The following TM2D1 variants were observed in gnomAD, a reference collection of about 807,000 sequenced individuals.
The protein encoded by TM2D1 is TM2 domain-containing protein 1.
TM2D1 carries 15 observed loss-of-function variants against 28.4 expected under a neutral mutation model. The observed-to-expected ratio is 0.53, with a 90% confidence interval of 0.35 to 0.81. The LOEUF (loss-of-function observed/expected upper bound fraction) is 0.81, where lower values mean the gene tolerates loss of function less well. Among genes scored for constraint, TM2D1 ranks in the 40% least tolerant of loss-of-function variants. The pLI, the probability that TM2D1 is intolerant of heterozygous loss-of-function variation, is 0.01. For missense variants in TM2D1, 236 were observed against 254.9 expected (o/e 0.93, Z 0.50); for synonymous variants, 93 against 96.2 (o/e 0.97, Z 0.20).
intron 5 of TM2D1, among the ~76,000 whole-genome samples, chr1:61,690,697 A>G (rs952653469): frequency 3.3e-5 from 5 of 152,178 alleles, no homozygotes; most frequent in Admixed American, 3.3e-4. Context: ...TCTGTTTAAC[A>G]TAACTGGTAC....
In TM2D1 at chr1:61,691,577, G is replaced by A. The variant is rs1384192076; in HGVS notation, c.513+3120C>T. On this transcript the variant is annotated intron_variant, in intron 5 of 6. Transcript: ENST00000606498. ...ATAATCAAAACAATCTCATTTTTCT[G>A]ATAAAAAACTCGTATTATCTAATCT... Among the ~76,000 whole-genome samples, 3 of 146,396 alleles carry A rather than the reference G, an allele frequency of 2.0e-5. No homozygotes were observed. In the South Asian group the frequency reaches 6.5e-4, roughly 32 times the overall value.
At chr1:61,724,781 T>G in intron 1 of TM2D1, 176 bp downstream of exon 1, 2 of 627,800 alleles carry the variant, frequency 3.2e-6, no homozygotes, top group Non-Finnish European at 4.9e-6. Context: ...GGGTGGCCTC[T>G]GGCCCTCCCA....
chr1:61,721,885 G>A (rs913913905), intron 2 of TM2D1, among the ~76,000 whole-genome samples: 2 of 134,106 alleles, frequency 1.5e-5, no homozygotes, highest in Non-Finnish European at 3.0e-5. Flanking sequence ...CAAAGCAAGA[G>A]AACTGCTTGA....
intron 3 of TM2D1, among the ~76,000 whole-genome samples, chr1:61,707,865 T>G (rs1010706753): frequency 6.6e-6 from 1 of 152,164 alleles, no homozygotes; most frequent in East Asian, 1.9e-4. Context: ...ATCTGTACAG[T>G]GGCTTATTTC....
intron 6 of TM2D1, 51 bp downstream of exon 6, chr1:61,683,366 T>A: frequency 1.7e-6 from 1 of 579,598 alleles, no homozygotes; most frequent in South Asian, 5.5e-5. Context: ...CATAATTTTA[T>A]ATGAATAATA....
At chr1:61,681,773 T>C (rs1045901600) in intron 6 of TM2D1, among the ~76,000 whole-genome samples, 7 of 152,172 alleles carry the variant, frequency 4.6e-5, no homozygotes, top group East Asian at 1.9e-4. Flanking sequence ...AAATGCCTAA[T>C]ACAAAATGAT....
chr1:61,691,937 AT>A (rs1425944840), intron 5 of TM2D1, among the ~76,000 whole-genome samples: 1 of 77,784 alleles, frequency 1.3e-5, no homozygotes, highest in Non-Finnish European at 2.3e-5. Context: ...AAAAAAATAT[AT>A]ATATATATAT....
intron 5 of TM2D1, among the ~76,000 whole-genome samples, chr1:61,691,933 A>AAATATATATATATATATATATG (rs1491136530): frequency 3.6e-5 from 3 of 83,038 alleles, no homozygotes; most frequent in African/African-American, 1.0e-4. Context: ...AAAAAAAAAA[A>AAATATATATATATATATATATG]TATATATATA....
At chr1:61,711,710 G>A (rs1232498881) in intron 2 of TM2D1, among the ~76,000 whole-genome samples, 3 of 152,082 alleles carry the variant, frequency 2.0e-5, no homozygotes, top group Non-Finnish European at 4.4e-5. Flanking sequence ...TTGGCACAGG[G>A]ATAAAATTTA....
chr1:61,702,376 CT>C (rs151274900), intron 3 of TM2D1, among the ~76,000 whole-genome samples: 19 of 145,332 alleles, frequency 1.3e-4, no homozygotes, highest in Admixed American at 2.1e-4. Flanking sequence ...AATTTTATTT[CT>C]TTTTTTTTTG....
chr1:61,712,536 C>T (rs1392279604), intron 2 of TM2D1, among the ~76,000 whole-genome samples: 2 of 151,996 alleles, frequency 1.3e-5, no homozygotes, highest in Non-Finnish European at 2.9e-5. Flanking sequence ...TCAGCCTCTC[C>T]AGTAGCTGGG....
chr1:61,693,334 A>G (rs1489213448), intron 5 of TM2D1, among the ~76,000 whole-genome samples: 4 of 152,216 alleles, frequency 2.6e-5, no homozygotes. Context: ...CTAAAGCTAC[A>G]ATTCAATAAT....
chr1:61,691,931 AAATATATATAT>A lies in TM2D1; in HGVS notation c.513+2755_513+2765del, dbSNP rs1374173397. Among the ~76,000 whole-genome samples the A allele has an allele frequency of 5.0e-4, 48 of 95,340 alleles. 4 individuals are homozygous for A. Among genetic ancestry groups the A allele is most frequent in the Non-Finnish European group, 2.8e-4 (14 of 50,304 alleles). The allele number at this position is 95,340 out of a possible 152,430, so 62.5% of individuals were successfully genotyped here. On this transcript the variant is annotated intron_variant, in intron 5 of 6. Coordinates refer to ENST00000606498, the MANE Select transcript of TM2D1 (RefSeq NM_032027.3). ...ATCTCAAAAAAAACTTAAAAAAAAAAAATATATATATATATATATATATATATATGTATATA... is the reference window on the plus strand; with the variant it reads ...ATCTCAAAAAAAACTTAAAAAAAAAAATATATATATATATATATGTATATA...
At chr1:61,712,118 A>G (rs1480559128) in intron 2 of TM2D1, among the ~76,000 whole-genome samples, 1 of 152,098 alleles carries the variant, frequency 6.6e-6, no homozygotes, top group Non-Finnish European at 1.5e-5. Context: ...AAACATTTTC[A>G]GTTGTCACTG....
chr1:61,699,346 C>A (rs6697770), intron 4 of TM2D1: 26,890 of 150,306 alleles, frequency 0.18, 2,985 homozygotes, highest in Non-Finnish European at 0.25. Context: ...GACTCTGTCA[C>A]ACAAAAAAAA....
chr1:61,682,987 A>G (rs1295418356), intron 6 of TM2D1, among the ~76,000 whole-genome samples: 2 of 152,102 alleles, frequency 1.3e-5, no homozygotes, highest in African/African-American at 4.8e-5. Flanking sequence ...AAGCACTTAC[A>G]GGGAATTCAG....
Position 61,713,488 on chromosome 1 carries a change from C to CAAA in TM2D1, c.239-4054_239-4052dup, listed in dbSNP as rs369601221. Among the ~76,000 whole-genome samples the CAAA allele has an allele frequency of 3.2e-4, 29 of 91,396 alleles. 1 individual carries two copies. The highest frequency in any genetic ancestry group is 4.5e-4 in the African/African-American group (12 of 26,700). The allele number at this position is 91,396 out of a possible 152,430, so 60.0% of individuals were successfully genotyped here. The stretch of plus-strand genomic sequence containing the variant: ...GACAAGACCCCCCGCAACTCAAAAA[C>CAAA]AAAAAAAAAAAAAAAAAAAAAGGAG... On this transcript the variant is annotated intron_variant, in intron 2 of 6. Transcript: ENST00000606498.
At chr1:61,690,912 A>C (rs1311611292) in intron 5 of TM2D1, among the ~76,000 whole-genome samples, 1 of 152,168 alleles carries the variant, frequency 6.6e-6, no homozygotes, top group African/African-American at 2.4e-5. Flanking sequence ...ACATTATGCT[A>C]AATTTCTGCT....
intron 3 of TM2D1, among the ~76,000 whole-genome samples, chr1:61,707,891 C>T (rs1262940969): frequency 1.3e-5 from 2 of 151,996 alleles, no homozygotes; most frequent in South Asian, 4.2e-4. Flanking sequence ...ACAACCAAAA[C>T]TAAGTGCCAT....
Sources: gnomAD v4.1 joint callset for allele counts (sites outside exome capture counted in the v4.1 genomes callset) on GRCh38, gnomAD v4.1.1 for gene constraint, MANE v1.5 for transcripts, NCBI Gene and HGNC (gene_info 2026-07-23, HGNC 2026-07-21) for gene names.